The following PPID variants were observed in gnomAD, a reference collection of about 807,000 sequenced individuals.
PPID encodes peptidyl-prolyl cis-trans isomerase D.
In PPID, 47 loss-of-function variants were observed where a neutral mutation model predicts 48.1. The observed-to-expected ratio is 0.98, with a 90% CI of 0.77 to 1.25. PPID has a LOEUF of 1.25. Ranked by LOEUF, PPID falls within the 50% of genes most tolerant of loss-of-function variation. PPID has a pLI of 0.00. For missense variants in PPID, 429 were observed against 443.5 expected (o/e 0.97, Z 0.29); for synonymous variants, 163 against 148.8 (o/e 1.10, Z -0.69).
intron 3 of PPID, among the ~76,000 whole-genome samples, chr4:158,718,770 T>C (rs1774910133): frequency 6.6e-6 from 1 of 152,244 alleles, no homozygotes; most frequent in Non-Finnish European, 1.5e-5. Context: ...CTTTAGGAGC[T>C]TGGACATTTA....
At chr4:158,720,961 G>A (rs973089358) in intron 2 of PPID, among the ~76,000 whole-genome samples, 3 of 152,146 alleles carry the variant, frequency 2.0e-5, no homozygotes, top group East Asian at 1.9e-4. Context: ...TGATTCACCC[G>A]CCTCAGCCTC....
chr4:158,712,809 T>A (rs1247201741), intron 7 of PPID, among the ~76,000 whole-genome samples: 2 of 151,996 alleles, frequency 1.3e-5, no homozygotes. Context: ...ATAACCCACA[T>A]CTTAATCATT....
In PPID at chr4:158,710,762, C is replaced by T. The variant is rs762341810; in HGVS notation, c.981G>A (p.Leu327=). 1 of 1,612,864 alleles carries T rather than the reference C, an allele frequency of 6.2e-7. No individual in the cohort carries two copies. Among genetic ancestry groups the T allele is most frequent in the Non-Finnish European group, 8.5e-7 (1 of 1,179,090 alleles). Residue 327 remains leucine (L), a splice_region_variant and synonymous_variant, in exon 8 of 10, where the codon TTG becomes TTA. Transcript: ENST00000307720. ...ATTAAACATTTGGAACAAAATTTAC[C>T]AATGCTTGATCATATTCTTTTAATC... The part of the protein sequence containing the change: ...WQGLKEYDQA[L]ADLKKAQGIA...
At position 158,713,152 on chromosome 4, in the gene PPID, T is replaced by C; in HGVS notation, c.861A>G (p.Ser287=). 6.2e-7 allele frequency: 1 copy of C among 1,614,090 alleles called. No homozygotes were observed. The highest frequency in any genetic ancestry group is 8.5e-7 in the Non-Finnish European group (1 of 1,180,002). ...LNIGACKLKM[S]NWQGAIDSCL... is the part of the protein sequence containing the mutation. ...AACTGTCAATTGCTCCCTGCCAATT[T>C]GACATCTTCAGTTTACAAGCACCAA... The change falls in exon 7 of 10, where the codon TCA becomes TCG. Residue 287 remains serine (S), a synonymous_variant. Transcript: ENST00000307720.
Position 158,709,586 on chromosome 4 carries a change from T to G in PPID, c.*150A>C. 3.5e-6 allele frequency: 2 copies of G among 568,806 alleles called. No homozygotes were observed. Among genetic ancestry groups the G allele is most frequent in the Non-Finnish European group, 6.1e-6 (2 of 328,384 alleles). 35.2% of individuals were successfully genotyped at this position (568,806 alleles called of 1,614,324 possible). On this transcript the variant is annotated 3_prime_UTR_variant, in exon 10 of 10. Coordinates refer to ENST00000307720, the MANE Select transcript of PPID (RefSeq NM_005038.3). ...TGTATTGTGACATGTTTATTAAGCA[T>G]GAACCCCTATCAGTACTCCTAAACT... is the stretch of plus-strand genomic sequence containing the variant.
intron 9 of PPID, 109 bp downstream of exon 9, chr4:158,710,519 G>A (rs1423272390): frequency 4.3e-6 from 5 of 1,171,298 alleles, no homozygotes; most frequent in Non-Finnish European, 6.3e-6. Flanking sequence ...CAGGCATTCT[G>A]TAGTGTCTGT....
At chr4:158,719,351 G>A in intron 2 of PPID, 65 bp from the exon 3 acceptor site, 2 of 1,029,916 alleles carry the variant, frequency 1.9e-6, no homozygotes, top group Admixed American at 3.7e-5. Flanking sequence ...GCTTACTAAT[G>A]GATACGTACG....
intron 4 of PPID, 98 bp downstream of exon 4, chr4:158,716,914 C>T: frequency 1.6e-6 from 2 of 1,238,670 alleles, no homozygotes; most frequent in Non-Finnish European, 1.2e-6. Context: ...TGAGCCGAGA[C>T]CGCACCACTG....
rs1275373371 is a variant in PPID, at chr4:158,709,839, T to C, written c.1025-15A>G. 7 of 1,576,810 alleles carry C rather than the reference T, an allele frequency of 4.4e-6. No homozygotes were observed. In the South Asian group the frequency reaches 4.5e-5, roughly 10 times the overall value. ...TGCCTGGATAGCTGTAAAATAAATA[T>C]GCAATGTGAGTTATTTCTCAAAATA... On this transcript the variant is annotated splice_polypyrimidine_tract_variant and intron_variant, in intron 9 of 9. Transcript: ENST00000307720.
At chr4:158,713,920 T>C (rs1206004782) in intron 6 of PPID, among the ~76,000 whole-genome samples, 2 of 151,804 alleles carry the variant, frequency 1.3e-5, no homozygotes, top group African/African-American at 4.8e-5. Flanking sequence ...CCATAAGATA[T>C]CCTCTAGTCC....
rs1774997419 is a variant in PPID, at chr4:158,723,380, C to T, written c.-92G>A. On this transcript the variant is annotated 5_prime_UTR_variant, in exon 1 of 10. Transcript: ENST00000307720. ...TCCAGAGTCCGTCTCCGCCGGAGAC[C>T]GGCAGCGACGCTGACCGGCCACTTC... 22 of 1,287,538 alleles carry T rather than the reference C, an allele frequency of 1.7e-5. No individual in the cohort carries two copies. In the South Asian group the frequency reaches 2.4e-4, roughly 14 times the overall value. The allele number at this position is 1,287,538 out of a possible 1,614,324, so 79.8% of individuals were successfully genotyped here.
At position 158,717,295 on chromosome 4, in the gene PPID, TG is replaced by T. The variant is rs1462409819; in HGVS notation, c.334-96del. The stretch of plus-strand genomic sequence containing the variant: ...ACTGTTCTTTTACTGAACATAAAAC[TG>T]GGGTGCACTATACTACCATTTAGAT... On this transcript the variant is annotated intron_variant, in intron 3 of 9. Coordinates refer to ENST00000307720, the MANE Select transcript of PPID (RefSeq NM_005038.3). 1.1e-5 allele frequency: 13 copies of T among 1,142,214 alleles called. No homozygotes were observed. In the East Asian group the frequency reaches 2.9e-4, roughly 25 times the overall value. 70.8% of individuals were successfully genotyped at this position (1,142,214 alleles called of 1,614,324 possible).
intron 9 of PPID, chr4:158,710,295 C>T: frequency 2.4e-6 from 1 of 409,360 alleles, no homozygotes; most frequent in South Asian, 3.0e-5. Flanking sequence ...ATGCTGAGCT[C>T]TCGACTAGAC....
rs550963510 is a variant in PPID at position 158,723,130 on chromosome 4, G to A, written c.85+74C>T. The A allele has an allele frequency of 3.4e-4, 488 of 1,432,660 alleles. 1 individual carries two copies. Among genetic ancestry groups the A allele is most frequent in the Non-Finnish European group, 4.3e-4 (448 of 1,037,680 alleles). 88.7% of individuals were successfully genotyped at this position (1,432,660 alleles called of 1,614,324 possible). On this transcript the variant is annotated intron_variant, in intron 1 of 9. Transcript: ENST00000307720. The stretch of plus-strand genomic sequence containing the variant: ...CAGTCACCGGCCGGAGCCGCATTCC[G>A]CCCTTGGAATCCCCCAAATCCCGGG...
At chr4:158,713,003 C>T in intron 7 of PPID, 116 bp downstream of exon 7, 6 of 1,091,562 alleles carry the variant, frequency 5.5e-6, no homozygotes, top group Non-Finnish European at 7.9e-6. Flanking sequence ...AAAATGTTTT[C>T]TTAAGCCTCA....
chr4:158,713,996 A>C (rs1774830643), intron 6 of PPID, among the ~76,000 whole-genome samples: 2 of 152,162 alleles, frequency 1.3e-5, no homozygotes, highest in African/African-American at 4.8e-5. Flanking sequence ...AGCCTGGGCA[A>C]TATAAAGGAG....
intron 2 of PPID, 87 bp downstream of exon 2, chr4:158,721,256 T>C: frequency 1.4e-6 from 2 of 1,480,164 alleles, no homozygotes; most frequent in South Asian, 1.2e-5. Flanking sequence ...TAAGCTTCAC[T>C]TCCTACTTAG....
intron 1 of PPID, among the ~76,000 whole-genome samples, 167 bp downstream of exon 1, chr4:158,723,037 C>A (rs897007751): frequency 6.6e-6 from 1 of 152,244 alleles, no homozygotes; most frequent in Non-Finnish European, 1.5e-5. Flanking sequence ...CTGGATCGAT[C>A]TAGCCCTAGA....
At chr4:158,714,347 A>G (rs1409820277) in intron 6 of PPID, among the ~76,000 whole-genome samples, 1 of 152,228 alleles carries the variant, frequency 6.6e-6, no homozygotes, top group African/African-American at 2.4e-5. Flanking sequence ...TAGGTAATAC[A>G]AAACAACACC....
Sources: allele counts gnomAD v4.1 joint callset (sites outside exome capture counted in the v4.1 genomes callset), GRCh38; gene constraint gnomAD v4.1.1; transcripts MANE v1.5; gene names NCBI Gene and HGNC (gene_info 2026-07-23, HGNC 2026-07-21).